CAMTA1: variants seen among roughly 807,000 people sequenced by gnomAD.
CAMTA1 encodes calmodulin binding transcription activator 1.
CAMTA1 carries 27 observed loss-of-function variants against 170.9 expected under a neutral mutation model. The observed-to-expected ratio is 0.16, with a 90% CI of 0.12 to 0.22. CAMTA1 has a LOEUF of 0.22. CAMTA1 is among the 10% of genes least tolerant of loss of function. The pLI is 1.00. For missense variants in CAMTA1, 1,619 were observed against 2,217.2 expected (o/e 0.73, Z 5.42); for synonymous variants, 833 against 891.5 (o/e 0.93, Z 1.17).
chr1:7,152,663 A>T (rs1219426266), intron 4 of CAMTA1, among the ~76,000 whole-genome samples: 1 of 152,180 alleles, frequency 6.6e-6, no homozygotes, highest in Admixed American at 6.5e-5. Flanking sequence ...CTCAATTCCC[A>T]GCAGGCTTCT....
In CAMTA1 at chr1:7,488,684, C is replaced by T. The variant is rs557745551; in HGVS notation, c.510+20783C>T. On this transcript the variant is annotated intron_variant, in intron 6 of 22. Coordinates refer to ENST00000303635, the MANE Select transcript of CAMTA1 (RefSeq NM_015215.4). ...ACATATAAACACTTGCATACACACA[C>T]ATATACACATAAATATATACATATG... Among the ~76,000 whole-genome samples, 5 of 152,274 alleles carry T rather than the reference C, an allele frequency of 3.3e-5. No homozygotes were observed. In the East Asian group the frequency reaches 9.6e-4, roughly 29 times the overall value.
chr1:7,290,025 A>G (rs1431292199), intron 5 of CAMTA1, among the ~76,000 whole-genome samples: 1 of 152,260 alleles, frequency 6.6e-6, no homozygotes, highest in African/African-American at 2.4e-5. Context: ...CTCTGAGACA[A>G]TAAATTGCTC....
intron 3 of CAMTA1, among the ~76,000 whole-genome samples, chr1:6,880,055 C>CTT (rs1671072692): frequency 6.6e-6 from 1 of 151,518 alleles, no homozygotes; most frequent in African/African-American, 2.4e-5. Context: ...TTCTCTTTCT[C>CTT]TAGTAGGGTT....
chr1:6,845,049 C>T (rs765996553), intron 3 of CAMTA1, among the ~76,000 whole-genome samples: 3 of 152,092 alleles, frequency 2.0e-5, no homozygotes, highest in Non-Finnish European at 4.4e-5. Flanking sequence ...AGAGAAGAGC[C>T]ACGAAAGCAC....
chr1:6,855,499 T>G (rs1661974396), intron 3 of CAMTA1, among the ~76,000 whole-genome samples: 1 of 151,428 alleles, frequency 6.6e-6, no homozygotes, highest in African/African-American at 2.4e-5. Context: ...GCTACACACT[T>G]TTAAACAGTC....
intron 3 of CAMTA1, among the ~76,000 whole-genome samples, chr1:6,950,261 G>C (rs886595952): frequency 1.3e-5 from 2 of 152,200 alleles, no homozygotes; most frequent in African/African-American, 4.8e-5. Flanking sequence ...TTACCAAGAG[G>C]AGTCTGGGGC....
chr1:6,909,970 T>A (rs947866419), intron 3 of CAMTA1, among the ~76,000 whole-genome samples: 1 of 152,198 alleles, frequency 6.6e-6, no homozygotes, highest in Non-Finnish European at 1.5e-5. Flanking sequence ...TGTATGGAAC[T>A]CTCTGGAGCA....
intron 5 of CAMTA1, among the ~76,000 whole-genome samples, chr1:7,448,041 C>A (rs1025905319): frequency 1.3e-5 from 2 of 152,350 alleles, no homozygotes; most frequent in South Asian, 2.1e-4. Flanking sequence ...AGCAGGTCAG[C>A]GGGTGCTCCT....
intron 3 of CAMTA1, among the ~76,000 whole-genome samples, chr1:6,989,870 G>C (rs1265594995): frequency 2.0e-5 from 3 of 149,950 alleles, no homozygotes; most frequent in African/African-American, 7.6e-5. Context: ...TACTGACCTT[G>C]GGGGGTGAGT....
At chr1:6,993,136 A>G (rs1340513555) in intron 3 of CAMTA1, among the ~76,000 whole-genome samples, 1 of 152,198 alleles carries the variant, frequency 6.6e-6, no homozygotes, top group African/African-American at 2.4e-5. Flanking sequence ...GGAGCTTTAT[A>G]ATAAATCTTG....
chr1:7,689,120 G>A (rs536317111), intron 11 of CAMTA1, among the ~76,000 whole-genome samples: 2 of 152,094 alleles, frequency 1.3e-5, no homozygotes, highest in African/African-American at 4.8e-5. Flanking sequence ...AAAGTAGCCA[G>A]GTGTGGTGGC....
At chr1:7,535,080 G>C (rs563681172) in intron 6 of CAMTA1, among the ~76,000 whole-genome samples, 10 of 148,352 alleles carry the variant, frequency 6.7e-5, no homozygotes, top group African/African-American at 2.5e-4. Flanking sequence ...CCCCACCCCG[G>C]GCCAGCCACC....
chr1:7,066,285 T>G (rs1708949482), intron 3 of CAMTA1, among the ~76,000 whole-genome samples: 1 of 152,224 alleles, frequency 6.6e-6, no homozygotes, highest in Non-Finnish European at 1.5e-5. Flanking sequence ...GGCCCATGCT[T>G]AGGGCCTTCC....
At chr1:7,539,373 T>C (rs980094809) in intron 6 of CAMTA1, among the ~76,000 whole-genome samples, 1 of 152,376 alleles carries the variant, frequency 6.6e-6, no homozygotes, top group East Asian at 1.9e-4. Flanking sequence ...ACAGTGGTTT[T>C]TCTTAAAGAA....
At chr1:6,905,423 G>C (rs1228313769) in intron 3 of CAMTA1, among the ~76,000 whole-genome samples, 1 of 152,056 alleles carries the variant, frequency 6.6e-6, no homozygotes, top group Non-Finnish European at 1.5e-5. Context: ...TTGAACTCCT[G>C]ACCTCAGGTG....
chr1:7,098,035 T>C (rs1642277391), intron 4 of CAMTA1, among the ~76,000 whole-genome samples: 1 of 152,208 alleles, frequency 6.6e-6, no homozygotes, highest in Non-Finnish European at 1.5e-5. Flanking sequence ...AAAAAATTCC[T>C]GGAGTTGCCT....
chr1:7,668,720 G>A (rs545934118), intron 9 of CAMTA1, among the ~76,000 whole-genome samples: 1 of 152,308 alleles, frequency 6.6e-6, no homozygotes, highest in African/African-American at 2.4e-5. Context: ...GCTGTCCTGC[G>A]GCGGTTTCCA....
At chr1:7,086,776 G>A (rs1051484864) in intron 3 of CAMTA1, among the ~76,000 whole-genome samples, 9 of 152,190 alleles carry the variant, frequency 5.9e-5, no homozygotes, top group Non-Finnish European at 8.8e-5. Context: ...ATAACATGCC[G>A]TTGTACGTCT....
intron 3 of CAMTA1, among the ~76,000 whole-genome samples, chr1:6,851,844 T>A (rs1660481861): frequency 6.6e-6 from 1 of 151,832 alleles, no homozygotes; most frequent in Admixed American, 6.6e-5. Flanking sequence ...TGAAACCCTG[T>A]CTCTACTAAA....
Sources: allele counts gnomAD v4.1 joint callset (sites outside exome capture counted in the v4.1 genomes callset), GRCh38; gene constraint gnomAD v4.1.1; transcripts MANE v1.5; gene names NCBI Gene and HGNC (gene_info 2026-07-23, HGNC 2026-07-21).